The following PNPLA4 variants were observed in gnomAD, a reference collection of about 807,000 sequenced individuals.
PNPLA4 encodes patatin-like phospholipase domain-containing protein 4.
A neutral mutation model predicts 18.3 loss-of-function variants in PNPLA4; 15 were observed. That is an observed-to-expected ratio of 0.82 (90% CI 0.55 to 1.26). PNPLA4 has a LOEUF of 1.26. PNPLA4 is among the 50% of genes most tolerant of loss of function. The pLI, the probability that PNPLA4 is intolerant of heterozygous loss-of-function variation, is 0.00. For synonymous variants in PNPLA4, 88 were observed against 85.6 expected, an observed-to-expected ratio of 1.03 and a Z score of -0.16; for missense variants, 229 against 196.8, an observed-to-expected ratio of 1.16 and a Z score of -0.98.
At chrX:7,916,111 A>T (rs1360952760) in intron 4 of PNPLA4, among the ~76,000 whole-genome samples, 2 of 111,868 alleles carry the variant, frequency 1.8e-5, no homozygotes, top group Admixed American at 9.5e-5. Context: ...AAACATGAAG[A>T]ATTCAATGAT....
intron 5 of PNPLA4, among the ~76,000 whole-genome samples, chrX:7,910,420 G>C (rs1601646052): frequency 1.8e-5 from 2 of 110,420 alleles, no homozygotes; most frequent in East Asian, 5.6e-4. Context: ...GTGAGTGGGT[G>C]AATGAATGAA....
chrX:7,922,716 G>T (rs144825474), intron 2 of PNPLA4, among the ~76,000 whole-genome samples: 3,096 of 112,247 alleles, frequency 0.028, 92 homozygotes, highest in Admixed American at 0.1. Flanking sequence ...CAAGAAAACG[G>T]AGGATTGGAG....
chrX:7,927,511 T>C (rs1266682768), upstream of PNPLA4: 2 of 113,545 alleles, frequency 1.8e-5, no homozygotes, highest in African/African-American at 3.2e-5. Context: ...TTTAAACTTC[T>C]GGACTCAACC....
chrX:7,912,667 G>A (rs1296532460), intron 4 of PNPLA4, among the ~76,000 whole-genome samples: 4 of 112,219 alleles, frequency 3.6e-5, no homozygotes, highest in African/African-American at 1.3e-4. Context: ...GAAAAAGATT[G>A]TCATTTAGGA....
chrX:7,926,157 C>T (rs1924395417), intron 1 of PNPLA4, 25 bp from the exon 2 acceptor site: 2 of 1,116,892 alleles, frequency 1.8e-6, no homozygotes, highest in Non-Finnish European at 2.4e-6. Flanking sequence ...AACAAAAATG[C>T]TGTAAGTTGG....
At chrX:7,903,798 T>A (rs1923623110) in intron 5 of PNPLA4, among the ~76,000 whole-genome samples, 1 of 111,881 alleles carries the variant, frequency 8.9e-6, no homozygotes, top group Non-Finnish European at 1.9e-5. Flanking sequence ...AAAACTGACC[T>A]GCATAATTTG....
rs1042349909 is a variant in PNPLA4 at position 7,899,177 on chromosome X, C to T, written c.*1509G>A. On this transcript the variant is annotated 3_prime_UTR_variant, in exon 7 of 7. Coordinates refer to ENST00000381042, the MANE Select transcript of PNPLA4 (RefSeq NM_004650.3). ...GCATAACTCCTCAAAAAGAGGCCAT[C>T]GTTGGTGTTTATGTGCTAAAAGTTG... The T allele has an allele frequency of 9.0e-6, 1 of 111,459 alleles. No individual in the cohort carries two copies. The highest frequency in any genetic ancestry group is 1.9e-5 in the Non-Finnish European group (1 of 53,088). 9.2% of individuals were successfully genotyped at this position (111,459 alleles called of 1,213,427 possible).
chrX:7,904,843 C>T (rs1332082699), intron 5 of PNPLA4, among the ~76,000 whole-genome samples: 6 of 111,556 alleles, frequency 5.4e-5, no homozygotes, highest in African/African-American at 1.6e-4. Context: ...AGAAAAATAG[C>T]TGCTGGTCTA....
intron 4 of PNPLA4, among the ~76,000 whole-genome samples, chrX:7,920,003 C>T (rs111600497): frequency 9.0e-6 from 1 of 111,722 alleles, no homozygotes; most frequent in African/African-American, 3.3e-5. Flanking sequence ...TACTGGGCTG[C>T]GGCAGTGAGC....
intron 4 of PNPLA4, among the ~76,000 whole-genome samples, chrX:7,915,690 A>T (rs1449658845): frequency 3.6e-5 from 4 of 112,158 alleles, no homozygotes; most frequent in African/African-American, 1.3e-4. Context: ...AGAGGTATTT[A>T]GAAAATTATG....
chrX:7,912,780 T>C (rs1327867403), intron 4 of PNPLA4, among the ~76,000 whole-genome samples: 1 of 112,477 alleles, frequency 8.9e-6, no homozygotes, highest in Admixed American at 9.4e-5. Flanking sequence ...GTGTTCTATT[T>C]GAAAACATAC....
intron 4 of PNPLA4, among the ~76,000 whole-genome samples, chrX:7,920,346 G>C (rs1924176952): frequency 9.0e-6 from 1 of 111,527 alleles, no homozygotes; most frequent in South Asian, 3.8e-4. Flanking sequence ...CACTTAGCAT[G>C]GGTTGCCCAG....
At chrX:7,924,987 T>G (rs1924347361) in intron 2 of PNPLA4, among the ~76,000 whole-genome samples, 1 of 112,033 alleles carries the variant, frequency 8.9e-6, no homozygotes, top group Non-Finnish European at 1.9e-5. Context: ...AGGGGGAATT[T>G]TCCGACCTCA....
intron 5 of PNPLA4, among the ~76,000 whole-genome samples, chrX:7,911,100 T>C (rs957150068): frequency 1.8e-5 from 2 of 111,164 alleles, no homozygotes; most frequent in Admixed American, 9.6e-5. Context: ...ATGTGTTAAA[T>C]AGATACTGCA....
chrX:7,906,741 T>C (rs1923716983), intron 5 of PNPLA4, among the ~76,000 whole-genome samples: 1 of 111,841 alleles, frequency 8.9e-6, no homozygotes, highest in South Asian at 3.7e-4. Flanking sequence ...CACGAGGAAA[T>C]AGAAGCCTAA....
Position 7,925,998 on chromosome X carries a change from C to T in PNPLA4, c.122G>A (p.Gly41Glu). Residue 41 changes from glycine (G) to glutamate (E), a missense_variant, in exon 2 of 7, where the codon GGG becomes GAG. By Grantham distance (98) the Gly-to-Glu change is moderately conservative. Transcript: ENST00000381042. ...AGCAACCAACGATCCCGCAGACGCCCCAGCGAAGGCTTTGACATCCTTCAC... is the reference window on the plus strand; with the variant it reads ...AGCAACCAACGATCCCGCAGACGCCTCAGCGAAGGCTTTGACATCCTTCAC... ...KLVKDVKAFA[G>E]ASAGSLVASV... is the part of the protein sequence containing the mutation. 8.3e-7 allele frequency: 1 copy of T among 1,211,685 alleles called. No homozygotes were observed. Among genetic ancestry groups the T allele is most frequent in the Non-Finnish European group, 1.1e-6 (1 of 895,281 alleles).
intron 1 of PNPLA4, among the ~76,000 whole-genome samples, chrX:7,927,022 T>C (rs1238697311): frequency 8.9e-6 from 1 of 112,853 alleles, no homozygotes; most frequent in Non-Finnish European, 1.9e-5. Context: ...CCAGGCCCTG[T>C]GAGGGCAGGT....
rs1923443469 is a variant in PNPLA4, at chrX:7,899,421, A to C, written c.*1265T>G. 1 of 110,585 alleles carries C rather than the reference A, an allele frequency of 9.0e-6. No individual in the cohort carries two copies. The highest frequency in any genetic ancestry group is 1.9e-5 in the Non-Finnish European group (1 of 52,978). 9.1% of individuals were successfully genotyped at this position (110,585 alleles called of 1,213,427 possible). A position where few individuals can be genotyped will look rare whatever the true frequency, so the allele number is the denominator to read the frequency against. On this transcript the variant is annotated 3_prime_UTR_variant, in exon 7 of 7. Transcript: ENST00000381042. The stretch of plus-strand genomic sequence containing the variant: ...TACAAGCCCATACACAAGTCCTCAA[A>C]GTGATGGACAACTACTCAGAAAGTA...
At chrX:7,908,178 CAA>C (rs1248687771) in intron 5 of PNPLA4, among the ~76,000 whole-genome samples, 3 of 111,648 alleles carry the variant, frequency 2.7e-5, no homozygotes, top group African/African-American at 9.8e-5. Context: ...GTGTATTTAA[CAA>C]AAGTCACAAG....
Sources: gnomAD v4.1 joint callset for allele counts (sites outside exome capture counted in the v4.1 genomes callset) on GRCh38, gnomAD v4.1.1 for gene constraint, MANE v1.5 for transcripts, NCBI Gene and HGNC (gene_info 2026-07-23, HGNC 2026-07-21) for gene names.